The following SLC5A10 variants were observed in gnomAD, a reference collection of about 807,000 sequenced individuals.
SLC5A10 encodes the protein sodium/mannose cotransporter SLC5A10.
SLC5A10 carries 55 observed loss-of-function variants against 68.9 expected under a neutral mutation model. The observed-to-expected ratio is 0.80, with a 90% CI of 0.64 to 1.00. The LOEUF (loss-of-function observed/expected upper bound fraction) is 1.00. SLC5A10 is among the 50% of genes least tolerant of loss of function. The pLI, the probability that SLC5A10 is intolerant of heterozygous loss-of-function variation, is 0.00. For missense variants in SLC5A10, 732 were observed against 819.3 expected (o/e 0.89, Z 1.30); for synonymous variants, 344 against 344.8 (o/e 1.00, Z 0.02).
chr17:18,991,945 G>A (rs1386100389), intron 9 of SLC5A10, among the ~76,000 whole-genome samples: 1 of 152,172 alleles, frequency 6.6e-6, no homozygotes, highest in Non-Finnish European at 1.5e-5. Context: ...AGATGGCAGG[G>A]TGTGGGAGGA....
At chr17:18,991,272 A>G (rs964095327) in intron 9 of SLC5A10, among the ~76,000 whole-genome samples, 2 of 152,128 alleles carry the variant, frequency 1.3e-5, no homozygotes, top group Non-Finnish European at 2.9e-5. Flanking sequence ...AACAAGACCA[A>G]CTGGCTTGGT....
chr17:19,001,776 G>GC (rs1295335799), intron 9 of SLC5A10, among the ~76,000 whole-genome samples: 1 of 152,082 alleles, frequency 6.6e-6, no homozygotes, highest in East Asian at 1.9e-4. Context: ...GGCCCTGGGA[G>GC]CCCCTATCTG....
rs188276968 is a variant in SLC5A10, at chr17:19,010,983, C to G, written c.983-2427C>G. 1.5e-3 allele frequency among the ~76,000 whole-genome samples: 228 copies of G among 152,302 alleles called. 1 individual carries two copies. The highest frequency in any genetic ancestry group is 5.3e-3 in the African/African-American group (219 of 41,558). On this transcript the variant is annotated intron_variant, in intron 9 of 14. Coordinates refer to ENST00000395645, the MANE Select transcript of SLC5A10 (RefSeq NM_001042450.4). ...CTCCCACTCCTCCTCTCCTCCTGTG[C>G]CTTTCCTCCCTCCTCCCCACCATGC...
chr17:19,016,887 G>A (rs974680102), intron 11 of SLC5A10, among the ~76,000 whole-genome samples: 2 of 152,172 alleles, frequency 1.3e-5, no homozygotes, highest in Admixed American at 1.3e-4. Context: ...CTGGGCCCTG[G>A]GAACTGGATG....
intron 9 of SLC5A10, among the ~76,000 whole-genome samples, chr17:18,982,875 C>T (rs1355822773): frequency 6.6e-6 from 1 of 152,238 alleles, no homozygotes; most frequent in Non-Finnish European, 1.5e-5. Flanking sequence ...CCTTTCTTTC[C>T]ACGCCTCAGT....
chr17:19,020,123 C>A, intron 13 of SLC5A10, 32 bp from the exon 14 acceptor site: 9 of 1,583,536 alleles, frequency 5.7e-6, no homozygotes, highest in Non-Finnish European at 7.8e-6. Flanking sequence ...CCATCCCCCA[C>A]CCCCAACCCT....
rs751981629 is a variant in SLC5A10, at chr17:18,971,448, G to A, written c.846+230G>A. 6.9e-5 allele frequency: 111 copies of A among 1,613,902 alleles called. No individual in the cohort carries two copies. Among genetic ancestry groups the A allele is most frequent in the Middle Eastern group, 4.9e-4 (3 of 6,062 alleles). The stretch of plus-strand genomic sequence containing the variant: ...CTACCGCCCGTCCTGGCCTTTAGGT[G>A]CTTCGACTGAGACAGTTTGGAGTAT... On this transcript the variant is annotated intron_variant, in intron 8 of 14. Transcript: ENST00000395645. This position sits in a 1 kb window ranked among gnomAD's most constrained non-coding sequence, Gnocchi z 5.5.
At chr17:18,979,348 G>T in intron 9 of SLC5A10, 1 of 685,546 alleles carries the variant, frequency 1.5e-6, no homozygotes, top group Non-Finnish European at 2.4e-6. Context: ...TCTCCAAGCT[G>T]GAACAACAGC....
chr17:18,957,373 G>T (rs1026926364), intron 1 of SLC5A10, among the ~76,000 whole-genome samples: 5 of 152,220 alleles, frequency 3.3e-5, no homozygotes, highest in African/African-American at 1.2e-4. Context: ...GTGGGAATAC[G>T]TAGGTAAGGA....
Position 19,004,774 on chromosome 17 carries a change from G to A in SLC5A10, c.983-8636G>A, listed in dbSNP as rs1247943105. On this transcript the variant is annotated intron_variant, in intron 9 of 14. Transcript: ENST00000395645. The surrounding 1 kb of genome is among the most constrained non-coding windows in gnomAD (Gnocchi z 5.4). ...GCGGCGGCGGCGCGAGGCTGGGCGG[G>A]GGCGCGCCGGTGACTCAGGGCCGCC... is the stretch of plus-strand genomic sequence containing the variant. The A allele has an allele frequency of 2.0e-5, 3 of 150,266 alleles. No individual in the cohort carries two copies. The highest frequency in any genetic ancestry group is 7.3e-5 in the African/African-American group (3 of 41,186). 9.3% of individuals were successfully genotyped at this position (150,266 alleles called of 1,614,324 possible).
chr17:19,015,545 C>G (rs547958374), intron 11 of SLC5A10, among the ~76,000 whole-genome samples: 1 of 152,210 alleles, frequency 6.6e-6, no homozygotes, highest in Non-Finnish European at 1.5e-5. Context: ...AGAGGGCCCC[C>G]GGGCCAGCAC....
chr17:18,971,005 C>A lies in SLC5A10; in HGVS notation c.641-8C>A. 1.2e-6 allele frequency: 2 copies of A among 1,613,766 alleles called. No individual in the cohort carries two copies. The highest frequency in any genetic ancestry group is 2.2e-5 in the East Asian group (1 of 44,866). On this transcript the variant is annotated splice_region_variant and splice_polypyrimidine_tract_variant and intron_variant, in intron 7 of 14. Coordinates refer to ENST00000395645, the MANE Select transcript of SLC5A10 (RefSeq NM_001042450.4). The surrounding 1 kb of genome is among the most constrained non-coding windows in gnomAD (Gnocchi z 5.5). ...CAAACTGTCCCTGTTCCACCCTGAC[C>A]CCTCCAGCTTTTGACCAGATCGGTG...
chr17:18,974,765 TCTC>T (rs2042938705), intron 8 of SLC5A10, among the ~76,000 whole-genome samples: 1 of 152,140 alleles, frequency 6.6e-6, no homozygotes. Flanking sequence ...TTGCAACAAC[TCTC>T]CTCATTTTGC....
At chr17:18,957,562 G>A (rs1371365176) in intron 1 of SLC5A10, among the ~76,000 whole-genome samples, 3 of 151,978 alleles carry the variant, frequency 2.0e-5, no homozygotes, top group Non-Finnish European at 4.4e-5. Context: ...TCCACCTCCC[G>A]GGTTCAAGCA....
At position 19,004,142 on chromosome 17, in the gene SLC5A10, G is replaced by T; in HGVS notation, c.983-9268G>T. ...ACCGCGCGCTCGGGGGCCTCTCCGC[G>T]GCCTCTGCTTCTCTGCCCATGAGCA... On this transcript the variant is annotated intron_variant, in intron 9 of 14. Coordinates refer to ENST00000395645, the MANE Select transcript of SLC5A10 (RefSeq NM_001042450.4). This position sits in a 1 kb window ranked among gnomAD's most constrained non-coding sequence, Gnocchi z 5.4. 1 of 1,188,962 alleles carries T rather than the reference G, an allele frequency of 8.4e-7. No homozygotes were observed. Among genetic ancestry groups the T allele is most frequent in the Non-Finnish European group, 1.2e-6 (1 of 852,812 alleles). The allele number at this position is 1,188,962 out of a possible 1,614,324, so 73.7% of individuals were successfully genotyped here.
chr17:19,012,747 C>T (rs144403715), intron 9 of SLC5A10, among the ~76,000 whole-genome samples: 310 of 152,312 alleles, frequency 2.0e-3, no homozygotes, highest in Admixed American at 4.0e-3. Context: ...TCCTGGGCAT[C>T]AGCTCAGCTC....
At chr17:19,001,583 A>G (rs2043730605) in intron 9 of SLC5A10, among the ~76,000 whole-genome samples, 1 of 152,210 alleles carries the variant, frequency 6.6e-6, no homozygotes, top group South Asian at 2.1e-4. Flanking sequence ...TAGACAGGTG[A>G]CAGCAATCAC....
chr17:18,999,742 T>A (rs1478734002), intron 9 of SLC5A10, among the ~76,000 whole-genome samples: 1 of 152,222 alleles, frequency 6.6e-6, no homozygotes, highest in Non-Finnish European at 1.5e-5. Context: ...TCGTGAAACC[T>A]GGGTTCGACT....
chr17:19,008,609 C>T (rs1024725534), intron 9 of SLC5A10, among the ~76,000 whole-genome samples: 38 of 151,648 alleles, frequency 2.5e-4, no homozygotes, highest in African/African-American at 8.5e-4. Context: ...ACACCATTCT[C>T]CTGCCTCAGC....
Sources: gnomAD v4.1 joint callset for allele counts (sites outside exome capture counted in the v4.1 genomes callset) on GRCh38, gnomAD v4.1.1 for gene constraint, Gnocchi (gnomAD v3.1) non-coding constraint, MANE v1.5 for transcripts, NCBI Gene and HGNC (gene_info 2026-07-23, HGNC 2026-07-21) for gene names.